CFAP54: variants seen among roughly 807,000 people sequenced by gnomAD.
CFAP54 encodes the protein cilia- and flagella-associated protein 54.
In CFAP54, 290 loss-of-function variants were observed where a neutral mutation model predicts 370.4. The ratio of observed to expected loss-of-function variants is 0.78; its 90% confidence interval spans 0.71 to 0.86. The LOEUF is 0.86. CFAP54 is among the 40% of genes least tolerant of loss of function. The pLI is 0.00. For synonymous variants in CFAP54, 1,206 were observed against 1,236.5 expected, an observed-to-expected ratio of 0.98 and a Z score of 0.52; for missense variants, 3,399 against 3,528.7, an observed-to-expected ratio of 0.96 and a Z score of 0.93.
At chr12:96,783,493 C>G (rs778359392) in intron 60 of CFAP54, among the ~76,000 whole-genome samples, 1 of 152,204 alleles carries the variant, frequency 6.6e-6, no homozygotes, top group Non-Finnish European at 1.5e-5. Flanking sequence ...TTCAAACTTA[C>G]ATAAATGGTA....
intron 8 of CFAP54, among the ~76,000 whole-genome samples, chr12:96,525,981 G>A (rs1320054098): frequency 6.6e-6 from 1 of 152,216 alleles, no homozygotes. Context: ...GCCGCACCCA[G>A]CCCCTTGTTG....
intron 55 of CFAP54, 32 bp from the exon 56 acceptor site, chr12:96,753,711 T>G (rs1414761952): frequency 1.9e-6 from 3 of 1,602,322 alleles, no homozygotes; most frequent in South Asian, 1.1e-5. Flanking sequence ...TGTATTTTTT[T>G]GTTCTTCCCC....
At chr12:96,646,262 A>C (rs1378523498) in intron 33 of CFAP54, 1 of 152,218 alleles carries the variant, frequency 6.6e-6, no homozygotes, top group Non-Finnish European at 1.5e-5. Context: ...CAAGAAAAAA[A>C]CAACCCCATC....
chr12:96,632,044 T>A (rs1201404567), intron 32 of CFAP54, among the ~76,000 whole-genome samples: 1 of 152,018 alleles, frequency 6.6e-6, no homozygotes, highest in Non-Finnish European at 1.5e-5. Context: ...AACTATGTGG[T>A]ATGAAATTTT....
chr12:96,616,074 T>C (rs1592885767), intron 26 of CFAP54, among the ~76,000 whole-genome samples: 1 of 152,216 alleles, frequency 6.6e-6, no homozygotes, highest in South Asian at 2.1e-4. Context: ...ATATGTTTAT[T>C]GCGGCACTAT....
chr12:96,726,313 T>C (rs991223062), intron 50 of CFAP54, among the ~76,000 whole-genome samples: 35 of 152,170 alleles, frequency 2.3e-4, no homozygotes, highest in African/African-American at 7.5e-4. Flanking sequence ...TCCTGGACTC[T>C]TTTTGGTTGG....
intron 26 of CFAP54, among the ~76,000 whole-genome samples, chr12:96,616,949 A>G (rs1157630582): frequency 1.3e-5 from 2 of 152,234 alleles, no homozygotes; most frequent in Non-Finnish European, 2.9e-5. Context: ...GAGTTCAGAG[A>G]GAAGATAAAC....
At chr12:96,787,726 G>A (rs1192703389) in intron 62 of CFAP54, among the ~76,000 whole-genome samples, 2 of 152,136 alleles carry the variant, frequency 1.3e-5, no homozygotes, top group African/African-American at 2.4e-5. Flanking sequence ...GTCTCAGTGT[G>A]GTAGTAGAGA....
intron 64 of CFAP54, among the ~76,000 whole-genome samples, chr12:96,814,191 G>A (rs1958954247): frequency 6.6e-6 from 1 of 152,172 alleles, no homozygotes; most frequent in Admixed American, 6.5e-5. Context: ...ATAAAGGAAA[G>A]CTATGCTATT....
intron 26 of CFAP54, among the ~76,000 whole-genome samples, chr12:96,619,080 T>A (rs923604263): frequency 4.6e-5 from 7 of 152,142 alleles, no homozygotes; most frequent in African/African-American, 1.7e-4. Flanking sequence ...CTCAGGCTGG[T>A]CTTGAACTCC....
chr12:96,559,163 C>T (rs1014648022), intron 17 of CFAP54, among the ~76,000 whole-genome samples: 48 of 152,076 alleles, frequency 3.2e-4, no homozygotes, highest in African/African-American at 1.2e-3. Flanking sequence ...TTGCAGTGAG[C>T]CAGGATCACT....
intron 60 of CFAP54, among the ~76,000 whole-genome samples, chr12:96,771,158 G>T (rs142729162): frequency 5.6e-4 from 85 of 152,296 alleles, no homozygotes; most frequent in African/African-American, 2.0e-3. Context: ...TTCAAATTAG[G>T]CCTTAACAGA....
chr12:96,507,016 A>G lies in CFAP54; in HGVS notation c.656A>G (p.Gln219Arg), dbSNP rs1344073439. The change falls in exon 4 of 68, where the codon CAG (glutamine) becomes CGG (arginine). Residue 219 changes from glutamine to arginine, a missense_variant. Transcript: ENST00000524981. ...ENLKNKESVV[Q>R]CLHILSSLRL... ...CTGAAGAATAAAGAATCTGTGGTCC[A>G]GTGTCTGCATATCTTGTCCTCCTTA... is the stretch of plus-strand genomic sequence containing the variant. 27 of 1,536,090 alleles carry G rather than the reference A, an allele frequency of 1.8e-5. No homozygotes were observed. Among genetic ancestry groups the G allele is most frequent in the Non-Finnish European group, 2.3e-5 (26 of 1,146,878 alleles).
At chr12:96,490,615 C>G in intron 1 of CFAP54, among the ~76,000 whole-genome samples, 1 of 152,112 alleles carries the variant, frequency 6.6e-6, no homozygotes, top group East Asian at 1.9e-4. Flanking sequence ...TTGCTTGAAC[C>G]CGGGAGGCAG....
chr12:96,580,751 A>G, intron 21 of CFAP54, 62 bp downstream of exon 21: 1 of 1,215,452 alleles, frequency 8.2e-7, no homozygotes, highest in Non-Finnish European at 1.1e-6. Flanking sequence ...AAATTTTTAA[A>G]TGAAGTCATT....
At chr12:96,693,860 T>C in intron 45 of CFAP54, 52 bp downstream of exon 45, 1 of 1,154,618 alleles carries the variant, frequency 8.7e-7, no homozygotes, top group Non-Finnish European at 1.3e-6. Flanking sequence ...TTAAGGATAT[T>C]GTCATGTATT....
intron 3 of CFAP54, among the ~76,000 whole-genome samples, chr12:96,504,417 A>G (rs1955067969): frequency 6.6e-6 from 1 of 152,230 alleles, no homozygotes; most frequent in African/African-American, 2.4e-5. Context: ...TCAAGATTAA[A>G]CATAAATCTA....
chr12:96,729,737 C>G (rs554961691), intron 50 of CFAP54, among the ~76,000 whole-genome samples: 1 of 152,312 alleles, frequency 6.6e-6, no homozygotes, highest in Admixed American at 6.5e-5. Flanking sequence ...GAGATGAACC[C>G]GGTACCTCAG....
At chr12:96,707,263 ATT>A (rs35124690) in intron 47 of CFAP54, among the ~76,000 whole-genome samples, 1 of 151,044 alleles carries the variant, frequency 6.6e-6, no homozygotes, top group African/African-American at 2.4e-5. Context: ...TTTAACTTGA[ATT>A]TTTTTTTTCA....
Sources: gnomAD v4.1 joint callset for allele counts (sites outside exome capture counted in the v4.1 genomes callset) on GRCh38, gnomAD v4.1.1 for gene constraint, MANE v1.5 for transcripts, NCBI Gene and HGNC (gene_info 2026-07-23, HGNC 2026-07-21) for gene names.